PLD5: variants seen among roughly 807,000 people sequenced by gnomAD.
PLD5 encodes the protein phospholipase D family member 5.
Under a neutral mutation model 61.1 loss-of-function variants are expected in PLD5, and 36 were observed. That is an observed-to-expected ratio of 0.59 (90% confidence interval 0.45 to 0.78). The LOEUF (loss-of-function observed/expected upper bound fraction) is 0.78. PLD5 is among the 30% of genes least tolerant of loss of function. PLD5 has a pLI of 0.00. For missense variants in PLD5, 515 were observed against 644.4 expected (o/e 0.80, Z 2.17); for synonymous variants, 243 against 242.8 (o/e 1.00, Z -0.01).
chr1:242,391,139 G>C (rs1232166114), intron 1 of PLD5, among the ~76,000 whole-genome samples: 1 of 152,204 alleles, frequency 6.6e-6, no homozygotes, highest in Non-Finnish European at 1.5e-5. Flanking sequence ...AGCTTGCAGT[G>C]AGCCGAGATT....
intron 1 of PLD5, among the ~76,000 whole-genome samples, chr1:242,447,873 C>T (rs752752444): frequency 5.3e-5 from 8 of 152,144 alleles, no homozygotes; most frequent in Non-Finnish European, 1.2e-4. Flanking sequence ...TATGCTGGCG[C>T]GAGAGGGACT....
At chr1:242,428,556 G>A (rs1665553354) in intron 1 of PLD5, among the ~76,000 whole-genome samples, 1 of 152,140 alleles carries the variant, frequency 6.6e-6, no homozygotes, top group South Asian at 2.1e-4. Flanking sequence ...TCAAATTCAC[G>A]AGCATAATGC....
At chr1:242,425,898 C>T (rs904901908) in intron 1 of PLD5, among the ~76,000 whole-genome samples, 3 of 152,062 alleles carry the variant, frequency 2.0e-5, no homozygotes, top group African/African-American at 4.8e-5. Context: ...CCACATTGGC[C>T]TCCCAAAGTG....
upstream of PLD5, among the ~76,000 whole-genome samples, chr1:242,526,241 C>T (rs1669442502): frequency 6.6e-6 from 1 of 152,054 alleles, no homozygotes; most frequent in Admixed American, 6.6e-5. Flanking sequence ...AATAAATTAG[C>T]CAGGCGTGGT....
chr1:242,430,246 G>A (rs1356649545), intron 1 of PLD5, among the ~76,000 whole-genome samples: 3 of 152,156 alleles, frequency 2.0e-5, no homozygotes, highest in African/African-American at 7.2e-5. Flanking sequence ...TCATAGTTCT[G>A]GAGGCTGGGA....
At position 242,394,404 on chromosome 1, in the gene PLD5, GTATATATGAGTATATATGTGTGTA is replaced by G. The variant is rs1398712229; in HGVS notation, c.190-46186_190-46163del. Among the ~76,000 whole-genome samples, 20 of 49,742 alleles carry G rather than the reference GTATATATGAGTATATATGTGTGTA, an allele frequency of 4.0e-4. 5 individuals carry two copies. Among genetic ancestry groups the G allele is most frequent in the African/African-American group, 1.1e-3 (16 of 14,942 alleles). 32.6% of individuals were successfully genotyped at this position (49,742 alleles called of 152,430 possible). On this transcript the variant is annotated intron_variant, in intron 1 of 9. Transcript: ENST00000536534. ...TGTGTATATATGAGTATATATGTGT[GTATATATGAGTATATATGTGTGTA>G]TATGAGTATATATGTGTGTATATGA...
intron 4 of PLD5, among the ~76,000 whole-genome samples, chr1:242,242,251 T>A (rs1376788616): frequency 2.0e-5 from 3 of 151,952 alleles, no homozygotes; most frequent in African/African-American, 7.2e-5. Flanking sequence ...TCTGAGTCTG[T>A]CTCATTTCAT....
At chr1:242,392,918 T>A (rs1193749312) in intron 1 of PLD5, among the ~76,000 whole-genome samples, 1 of 152,098 alleles carries the variant, frequency 6.6e-6, no homozygotes, top group African/African-American at 2.4e-5. Flanking sequence ...AAAAGTATTT[T>A]TAGGCAGGGC....
chr1:242,109,829 T>C (rs1047313319), intron 7 of PLD5, among the ~76,000 whole-genome samples: 4 of 151,666 alleles, frequency 2.6e-5, no homozygotes, highest in Non-Finnish European at 5.9e-5. Flanking sequence ...TCACCTAGTG[T>C]CTGTAATATT....
chr1:242,139,750 C>T (rs1372502379), intron 5 of PLD5, among the ~76,000 whole-genome samples: 1 of 152,124 alleles, frequency 6.6e-6, no homozygotes, highest in Admixed American at 6.5e-5. Context: ...GGAGAGATGT[C>T]CTGTAATTCT....
intron 4 of PLD5, among the ~76,000 whole-genome samples, chr1:242,223,097 T>C (rs938874631): frequency 1.3e-5 from 2 of 152,184 alleles, no homozygotes; most frequent in East Asian, 3.9e-4. Context: ...GCAGATTCGG[T>C]GTCTAGTGAA....
At chr1:242,469,268 A>C (rs143181301) in intron 1 of PLD5, among the ~76,000 whole-genome samples, 1 of 152,284 alleles carries the variant, frequency 6.6e-6, no homozygotes, top group East Asian at 1.9e-4. Context: ...CATTCTCCCA[A>C]ATGGGGATGC....
chr1:242,145,711 T>C (rs1435956), intron 5 of PLD5, among the ~76,000 whole-genome samples: 128,189 of 152,212 alleles, frequency 0.84, 54,468 homozygotes, highest in African/African-American at 0.95. Context: ...CTCGCCCTGT[T>C]GCCCAGGTTG....
At chr1:242,357,414 G>A (rs1215564491) in intron 1 of PLD5, among the ~76,000 whole-genome samples, 3 of 149,402 alleles carry the variant, frequency 2.0e-5, no homozygotes, top group African/African-American at 7.4e-5. Context: ...TCCTTTTTGG[G>A]TTGAACTTAG....
At chr1:242,504,348 T>A (rs74150740) in intron 1 of PLD5, among the ~76,000 whole-genome samples, 10,963 of 152,198 alleles carry the variant, frequency 0.072, 989 homozygotes, top group African/African-American at 0.21. Flanking sequence ...AAAAATAGAC[T>A]AATATGAGCA....
intron 1 of PLD5, among the ~76,000 whole-genome samples, chr1:242,397,290 T>C (rs1663641863): frequency 6.6e-6 from 1 of 152,064 alleles, no homozygotes; most frequent in South Asian, 2.1e-4. Flanking sequence ...TCTTGGTTGA[T>C]GGCAACTCCA....
chr1:242,407,399 G>A (rs1219243773), intron 1 of PLD5, among the ~76,000 whole-genome samples: 1 of 152,056 alleles, frequency 6.6e-6, no homozygotes, highest in Non-Finnish European at 1.5e-5. Flanking sequence ...ACACAGCACT[G>A]AAGTATAATC....
chr1:242,294,616 A>G (rs965332949), intron 2 of PLD5, among the ~76,000 whole-genome samples: 1 of 152,176 alleles, frequency 6.6e-6, no homozygotes, highest in Non-Finnish European at 1.5e-5. Context: ...TCTGCCAGTT[A>G]TGAGCTGTGT....
At chr1:242,408,764 G>A (rs1664377806) in intron 1 of PLD5, among the ~76,000 whole-genome samples, 1 of 152,016 alleles carries the variant, frequency 6.6e-6, no homozygotes, top group Admixed American at 6.6e-5. Context: ...ACACACCAGT[G>A]CTTTGAAAAT....
Sources: gnomAD v4.1 joint callset for allele counts (sites outside exome capture counted in the v4.1 genomes callset) on GRCh38, gnomAD v4.1.1 for gene constraint, MANE v1.5 for transcripts, NCBI Gene and HGNC (gene_info 2026-07-23, HGNC 2026-07-21) for gene names.